MTMR10: variants seen among roughly 807,000 people sequenced by gnomAD.
The protein encoded by MTMR10 is myotubularin-related protein 10.
A neutral mutation model predicts 88.1 loss-of-function variants in MTMR10; 56 were observed. The observed-to-expected ratio is 0.64, with a 90% CI of 0.51 to 0.79. The LOEUF (loss-of-function observed/expected upper bound fraction) is 0.79. Among genes scored for constraint, MTMR10 ranks in the 30% least tolerant of loss-of-function variants. MTMR10 has a pLI of 0.00. For missense variants in MTMR10, 883 were observed against 924.7 expected, an observed-to-expected ratio of 0.95 and a Z score of 0.58; for synonymous variants, 380 against 340.9, an observed-to-expected ratio of 1.11 and a Z score of -1.26.
At chr15:30,926,511 A>G in the MTMR10 span, 1 of 414,630 alleles carries the variant, frequency 2.4e-6, no homozygotes, top group Non-Finnish European at 3.2e-6. Context: ...ATTAACAAGT[A>G]CTATAGAAAG....
chr15:30,941,099 A>G lies in MTMR10; in HGVS notation c.*371T>C. On this transcript the variant is annotated 3_prime_UTR_variant, in exon 16 of 16. Coordinates refer to ENST00000435680, the MANE Select transcript of MTMR10 (RefSeq NM_017762.3). ...ATCAGATGCTCCTAAAAATGACACG[A>G]AACACAAATTTCCTAACTTTCCTGT... The G allele has an allele frequency of 8.1e-7, 1 of 1,232,280 alleles. No homozygotes were observed. Among genetic ancestry groups the G allele is most frequent in the South Asian group, 1.4e-5 (1 of 71,198 alleles). The allele number at this position is 1,232,280 out of a possible 1,614,324, so 76.3% of individuals were successfully genotyped here.
Position 30,940,487 on chromosome 15 carries a change from CATT to C in MTMR10, c.*980_*982del, listed in dbSNP as rs1355321625. 5.6e-5 allele frequency: 55 copies of C among 985,298 alleles called. No homozygotes were observed. The highest frequency in any genetic ancestry group is 6.4e-5 in the Non-Finnish European group (53 of 829,940). The allele number at this position is 985,298 out of a possible 1,614,324, so 61.0% of individuals were successfully genotyped here. On this transcript the variant is annotated 3_prime_UTR_variant, in exon 16 of 16. Coordinates refer to ENST00000435680, the MANE Select transcript of MTMR10 (RefSeq NM_017762.3). ...TGTGCAGGTGCCCAACTCGTAACCT[CATT>C]AGTTATTTCCAGGGGGAAGTGCCAG...
chr15:30,925,758 G>A, the MTMR10 span: 2 of 1,612,738 alleles, frequency 1.2e-6, no homozygotes, highest in Non-Finnish European at 1.7e-6. Flanking sequence ...CTGACCTGAG[G>A]CTAATAGATG....
chr15:30,949,579 A>T (rs1291621207), intron 12 of MTMR10: 1 of 152,252 alleles, frequency 6.6e-6, no homozygotes, highest in Non-Finnish European at 1.5e-5. Flanking sequence ...TTATATTCAC[A>T]GTGACATAAA....
intron 3 of MTMR10, 85 bp downstream of exon 3, chr15:30,976,734 T>G: frequency 7.0e-7 from 1 of 1,419,566 alleles, no homozygotes; most frequent in Non-Finnish European, 9.5e-7. Context: ...ACTATAACTT[T>G]TCCATACCTA....
At chr15:30,958,278 C>T (rs925648391) in intron 9 of MTMR10, among the ~76,000 whole-genome samples, 6 of 152,174 alleles carry the variant, frequency 3.9e-5, no homozygotes, top group Non-Finnish European at 7.4e-5. Flanking sequence ...GCAGAAGGCA[C>T]GGAGTGCCAG....
intron 2 of MTMR10, among the ~76,000 whole-genome samples, chr15:30,978,795 C>T (rs993680690): frequency 6.6e-6 from 1 of 152,112 alleles, no homozygotes; most frequent in Non-Finnish European, 1.5e-5. Context: ...CCTATAATTA[C>T]ATACAATTAA....
In MTMR10 at chr15:30,964,256, G is replaced by C. The variant is rs79452182; in HGVS notation, c.566-3183C>G. 3.5e-3 allele frequency among the ~76,000 whole-genome samples: 537 copies of C among 152,312 alleles called. 1 individual carries two copies. The highest frequency in any genetic ancestry group is 0.034 in the Middle Eastern group (10 of 294). ...AAAATTTTAACAGTTATGTAAAACA[G>C]TTTGGTGACTGAGTCCAGCAGCACT... On this transcript the variant is annotated intron_variant, in intron 6 of 15. Transcript: ENST00000435680.
At chr15:30,920,683 T>G in the MTMR10 span, 28 of 1,303,926 alleles carry the variant, frequency 2.1e-5, no homozygotes, top group Non-Finnish European at 2.9e-5. Context: ...CCCCCCACCA[T>G]TACTGATGTG....
At chr15:30,948,088 AAT>A (rs1455630334) in intron 13 of MTMR10, among the ~76,000 whole-genome samples, 1 of 152,262 alleles carries the variant, frequency 6.6e-6, no homozygotes, top group African/African-American at 2.4e-5. Context: ...AGACAAATTC[AAT>A]AGACAACTTT....
intron 9 of MTMR10, among the ~76,000 whole-genome samples, chr15:30,955,156 T>C (rs2063304832): frequency 6.6e-6 from 1 of 152,172 alleles, no homozygotes. Context: ...CAGGTAAACT[T>C]TGTTTCCCTC....
At chr15:30,968,050 C>G in intron 5 of MTMR10, 40 bp from the exon 6 acceptor site, 4 of 1,406,028 alleles carry the variant, frequency 2.8e-6, no homozygotes, top group Non-Finnish European at 3.9e-6. Context: ...TTTTAACACA[C>G]TTAGTTAAAT....
Position 30,941,711 on chromosome 15 carries a change from T to TGCCCACA in MTMR10, c.2092_2093insTGTGGGC (p.Gln698LeufsTer76). ...GGCCTCCAGGGGGCCACTGCGCTGT[T>TGCCCACA]GCCGCAGCATCCTGCTCAGTACGTC... On this transcript the variant is annotated frameshift_variant, in exon 16 of 16. Coordinates refer to ENST00000435680, the MANE Select transcript of MTMR10 (RefSeq NM_017762.3). LOFTEE classifies it high-confidence loss of function. The TGCCCACA allele has an allele frequency of 6.2e-7, 1 of 1,613,878 alleles. No individual in the cohort carries two copies. Among genetic ancestry groups the TGCCCACA allele is most frequent in the Non-Finnish European group, 8.5e-7 (1 of 1,179,840 alleles).
chr15:30,950,941 C>G (rs187955908), intron 12 of MTMR10, among the ~76,000 whole-genome samples: 1 of 152,276 alleles, frequency 6.6e-6, no homozygotes, highest in Admixed American at 6.5e-5. Flanking sequence ...AGTTGTTATA[C>G]TATACTGTTT....
At chr15:30,919,906 A>T in the MTMR10 span, among the ~76,000 whole-genome samples, 1 of 152,166 alleles carries the variant, frequency 6.6e-6, no homozygotes, top group African/African-American at 2.4e-5. Context: ...GTTTAAACCC[A>T]TGTTGTCCAG....
In MTMR10 at chr15:30,939,916, A is replaced by G. The variant is rs2062981265; in HGVS notation, c.*1554T>C. The stretch of plus-strand genomic sequence containing the variant: ...TGGCAAAAACCTTGGGTTTACCCAT[A>G]AAGTGAATTTCTTAAGATATTTTTT... On this transcript the variant is annotated 3_prime_UTR_variant, in exon 16 of 16. Transcript: ENST00000435680. 1.0e-6 allele frequency: 1 copy of G among 985,302 alleles called. No homozygotes were observed. Among genetic ancestry groups the G allele is most frequent in the Admixed American group, 6.1e-5 (1 of 16,270 alleles). 61.0% of individuals were successfully genotyped at this position (985,302 alleles called of 1,614,324 possible).
chr15:30,947,425 T>G (rs769738483), intron 13 of MTMR10, 125 bp from the exon 14 acceptor site: 26 of 1,142,292 alleles, frequency 2.3e-5, no homozygotes, highest in Non-Finnish European at 3.2e-5. Context: ...CTAAAACACT[T>G]GCCTTCTAAG....
intron 7 of MTMR10, among the ~76,000 whole-genome samples, chr15:30,959,503 CTCT>C (rs2045556640): frequency 6.6e-6 from 1 of 152,204 alleles, no homozygotes; most frequent in African/African-American, 2.4e-5. Flanking sequence ...AGCTTTAGCT[CTCT>C]TCTTAAGTCC....
rs1347447603 is a variant in MTMR10 at position 30,941,164 on chromosome 15, A to G, written c.*306T>C. On this transcript the variant is annotated 3_prime_UTR_variant, in exon 16 of 16. Coordinates refer to ENST00000435680, the MANE Select transcript of MTMR10 (RefSeq NM_017762.3). ...GGCTGCTAATGTGACTGACTATCAG[A>G]TAGCCTTCAGGAGGTGGTAGGAAAA... 2.3e-6 allele frequency: 3 copies of G among 1,319,332 alleles called. No homozygotes were observed. The highest frequency in any genetic ancestry group is 3.0e-6 in the Non-Finnish European group (3 of 1,009,592). The allele number at this position is 1,319,332 out of a possible 1,614,324, so 81.7% of individuals were successfully genotyped here. A position where few individuals can be genotyped will look rare whatever the true frequency, so the allele number is the denominator to read the frequency against.
Sources: gnomAD v4.1 joint callset for allele counts (sites outside exome capture counted in the v4.1 genomes callset) on GRCh38, gnomAD v4.1.1 for gene constraint, MANE v1.5 for transcripts, NCBI Gene and HGNC (gene_info 2026-07-23, HGNC 2026-07-21) for gene names.